Variants in SGCD observed in about 807,000 individuals in gnomAD.
The protein encoded by SGCD is sarcoglycan delta, also known as delta-sarcoglycan.
In SGCD, 18 loss-of-function variants were observed where a neutral mutation model predicts 36.6. That is an observed-to-expected ratio of 0.49 (90% CI 0.34 to 0.73). The LOEUF (loss-of-function observed/expected upper bound fraction) is 0.73. Ranked by LOEUF, SGCD falls within the 30% of genes least tolerant of loss-of-function variation. The probability of loss-of-function intolerance (pLI) is 0.01; values close to 1 mark genes in which losing one functional copy is unlikely to be tolerated. For missense variants in SGCD, 387 were observed against 346.7 expected (o/e 1.12, Z -0.92); for synonymous variants, 133 against 130.6 (o/e 1.02, Z -0.12).
intron 1 of SGCD, among the ~76,000 whole-genome samples, chr5:156,071,932 A>G (rs1485184664): frequency 6.6e-6 from 1 of 151,982 alleles, no homozygotes. Flanking sequence ...AGTCTGTTTT[A>G]TCAGAGACTA....
At chr5:156,689,458 T>A (rs1754032267) in intron 7 of SGCD, among the ~76,000 whole-genome samples, 1 of 152,108 alleles carries the variant, frequency 6.6e-6, no homozygotes, top group Admixed American at 6.6e-5. Flanking sequence ...ATATGAGGGA[T>A]AGGCATCATA....
At chr5:156,415,595 C>A (rs542198257) in intron 3 of SGCD, among the ~76,000 whole-genome samples, 1 of 152,070 alleles carries the variant, frequency 6.6e-6, no homozygotes, top group Admixed American at 6.6e-5. Context: ...GCCATAATTC[C>A]GCATTTTAGA....
At chr5:156,525,212 C>G (rs1757594553) in intron 4 of SGCD, among the ~76,000 whole-genome samples, 1 of 152,116 alleles carries the variant, frequency 6.6e-6, no homozygotes, top group African/African-American at 2.4e-5. Flanking sequence ...GTCCTCTTTT[C>G]TCTACATCCT....
chr5:156,607,076 C>T (rs912060140), intron 6 of SGCD, among the ~76,000 whole-genome samples: 2 of 152,158 alleles, frequency 1.3e-5, no homozygotes, highest in African/African-American at 4.8e-5. Flanking sequence ...GAACTTCCAA[C>T]ACTATGTTGA....
intron 3 of SGCD, among the ~76,000 whole-genome samples, chr5:156,288,212 CTT>C (rs1429363975): frequency 1.3e-5 from 2 of 152,080 alleles, no homozygotes; most frequent in Non-Finnish European, 2.9e-5. Context: ...ACTGAATTCT[CTT>C]TCTCTGTGTT....
chr5:156,203,116 C>T (rs1030094124), intron 3 of SGCD, among the ~76,000 whole-genome samples: 1 of 152,036 alleles, frequency 6.6e-6, no homozygotes, highest in Non-Finnish European at 1.5e-5. Context: ...TTTATAGAAG[C>T]CATGTGGGGA....
At position 155,898,775 on chromosome 5, in the gene SGCD, CGAA is replaced by C. The variant is rs1756323375; in HGVS notation, c.-282+28357_-282+28359del. Among the ~76,000 whole-genome samples the C allele has an allele frequency of 2.0e-5, 3 of 152,248 alleles. No individual in the cohort carries two copies. The South Asian group carries it at 6.2e-4, about 32-fold the overall frequency. Reference sequence around the variant, plus strand: ...AAAAACAAGCTCGTGAGGTTGCTTTCGAAGAAGACAGGCAGTTGGAGTGGCAAG... The same window carrying C: ...AAAAACAAGCTCGTGAGGTTGCTTTCGAAGACAGGCAGTTGGAGTGGCAAG... On this transcript the variant is annotated intron_variant, in intron 1 of 9. Transcript: ENST00000517913.
the SGCD span, among the ~76,000 whole-genome samples, chr5:155,862,862 A>G: frequency 2.0e-5 from 3 of 152,194 alleles, no homozygotes; most frequent in Non-Finnish European, 4.4e-5. Context: ...TCTATGTGAC[A>G]CTATCTTTCT....
intron 1 of SGCD, among the ~76,000 whole-genome samples, chr5:156,078,164 T>C (rs748761218): frequency 6.6e-6 from 1 of 152,082 alleles, no homozygotes; most frequent in Admixed American, 6.6e-5. Flanking sequence ...TACAGTTTGC[T>C]TATTTTTTTA....
the SGCD span, among the ~76,000 whole-genome samples, chr5:155,773,646 A>G: frequency 6.6e-6 from 1 of 152,180 alleles, no homozygotes; most frequent in African/African-American, 2.4e-5. Flanking sequence ...CAATGGGGTA[A>G]TTGCTAAGGA....
chr5:155,815,841 G>C, the SGCD span, among the ~76,000 whole-genome samples: 1 of 151,854 alleles, frequency 6.6e-6, no homozygotes, highest in Admixed American at 6.6e-5. Context: ...GATTTGAGGG[G>C]ACCCAAATCT....
chr5:156,579,204 C>G (rs891399596), intron 4 of SGCD, among the ~76,000 whole-genome samples: 48 of 152,168 alleles, frequency 3.2e-4, no homozygotes, highest in African/African-American at 8.9e-4. Context: ...TGTTCAGTTT[C>G]CATGTAGTTG....
chr5:155,925,001 A>C (rs1259904042), intron 1 of SGCD, among the ~76,000 whole-genome samples: 1 of 152,164 alleles, frequency 6.6e-6, no homozygotes, highest in Admixed American at 6.5e-5. Context: ...TCCATGACCG[A>C]ATTTTTTACT....
At chr5:156,039,727 T>C (rs1759589537) in intron 1 of SGCD, among the ~76,000 whole-genome samples, 1 of 152,176 alleles carries the variant, frequency 6.6e-6, no homozygotes, top group Non-Finnish European at 1.5e-5. Context: ...CCAATGAAGC[T>C]CCTTTTACTA....
intron 3 of SGCD, among the ~76,000 whole-genome samples, chr5:156,151,195 A>G (rs965742280): frequency 6.6e-6 from 1 of 151,632 alleles, no homozygotes; most frequent in Admixed American, 6.6e-5. Flanking sequence ...CCTCTTTCCT[A>G]TCTCCATTCT....
chr5:156,454,370 A>G (rs1309311763), intron 3 of SGCD, among the ~76,000 whole-genome samples: 2 of 152,178 alleles, frequency 1.3e-5, no homozygotes, highest in African/African-American at 4.8e-5. Context: ...AAGAGTAACA[A>G]GAAGACATAA....
chr5:156,094,524 G>A (rs1351506164), intron 1 of SGCD, among the ~76,000 whole-genome samples: 4 of 152,068 alleles, frequency 2.6e-5, no homozygotes, highest in Non-Finnish European at 4.4e-5. Flanking sequence ...AATTTTAGCT[G>A]GATTAGGGTC....
intron 3 of SGCD, among the ~76,000 whole-genome samples, chr5:156,429,265 C>CTTTTTTTTTTTTTTTTTTTT (rs3074973): frequency 8.1e-6 from 1 of 123,798 alleles, no homozygotes; most frequent in Non-Finnish European, 1.8e-5. Flanking sequence ...CCCTCATTGT[C>CTTTTTTTTTTTTTTTTTTTT]TTTTTTTTTT....
chr5:156,533,342 T>C (rs1401300151), intron 4 of SGCD, among the ~76,000 whole-genome samples: 1 of 152,172 alleles, frequency 6.6e-6, no homozygotes, highest in African/African-American at 2.4e-5. Context: ...AGAATTGCAT[T>C]ACAGTATCTA....
Sources: gnomAD v4.1 joint callset for allele counts (sites outside exome capture counted in the v4.1 genomes callset) on GRCh38, gnomAD v4.1.1 for gene constraint, MANE v1.5 for transcripts, NCBI Gene and HGNC (gene_info 2026-07-23, HGNC 2026-07-21) for gene names.